FERRY3: variants seen among roughly 807,000 people sequenced by gnomAD.
FERRY3 encodes the protein protein C12orf4.
At chr12:4,495,770 G>A in the FERRY3 span, among the ~76,000 whole-genome samples, 7 of 152,108 alleles carry the variant, frequency 4.6e-5, no homozygotes, top group African/African-American at 7.2e-5. Context: ...TTGTGTATAT[G>A]TGTGATTAAT....
the FERRY3 span, chr12:4,489,958 T>G: frequency 8.5e-7 from 1 of 1,173,708 alleles, no homozygotes; most frequent in Non-Finnish European, 1.2e-6. Context: ...TTAAAAATAA[T>G]TTTAGAAGTA....
At chr12:4,535,437 T>C in the FERRY3 span, among the ~76,000 whole-genome samples, 1 of 152,234 alleles carries the variant, frequency 6.6e-6, no homozygotes, top group African/African-American at 2.4e-5. The surrounding 1 kb of genome is among the most constrained non-coding windows in gnomAD (Gnocchi z 4.0). Context: ...AGTTTCCTTG[T>C]TTGTACAATG....
chr12:4,501,064 CAA>C, the FERRY3 span, among the ~76,000 whole-genome samples: 11 of 152,162 alleles, frequency 7.2e-5, no homozygotes, highest in Admixed American at 2.6e-4. Flanking sequence ...GCCCAGGACA[CAA>C]AGATAGGTGT....
chr12:4,533,081 G>T, the FERRY3 span, among the ~76,000 whole-genome samples: 64 of 152,204 alleles, frequency 4.2e-4, 1 homozygote, highest in South Asian at 2.3e-3. Context: ...CAAATAACCT[G>T]TCTTTCCTTA....
At chr12:4,536,883 TC>T in the FERRY3 span, among the ~76,000 whole-genome samples, 2 of 152,226 alleles carry the variant, frequency 1.3e-5, no homozygotes, top group African/African-American at 4.8e-5. Flanking sequence ...CTAGGCTTTC[TC>T]CCATCAAATC....
the FERRY3 span, chr12:4,525,529 A>G: frequency 6.2e-6 from 10 of 1,613,120 alleles, no homozygotes; most frequent in Non-Finnish European, 8.5e-6. Flanking sequence ...TTACATCTTG[A>G]TCTGTCAGTG....
chr12:4,532,031 C>A, the FERRY3 span, among the ~76,000 whole-genome samples: 1 of 151,794 alleles, frequency 6.6e-6, no homozygotes, highest in Non-Finnish European at 1.5e-5. Flanking sequence ...GCTTGTCCAA[C>A]CTGTGGCACA....
the FERRY3 span, among the ~76,000 whole-genome samples, chr12:4,506,759 G>A: frequency 1.3e-5 from 2 of 151,850 alleles, no homozygotes; most frequent in Non-Finnish European, 2.9e-5. Flanking sequence ...AACATTTTTG[G>A]CTTTTTATCA....
chr12:4,496,782 C>A, the FERRY3 span, among the ~76,000 whole-genome samples: 1 of 152,168 alleles, frequency 6.6e-6, no homozygotes, highest in African/African-American at 2.4e-5. Flanking sequence ...GAATTATTAT[C>A]TGAGTTTATG....
the FERRY3 span, among the ~76,000 whole-genome samples, chr12:4,514,144 A>G: frequency 6.6e-6 from 1 of 151,802 alleles, no homozygotes; most frequent in Non-Finnish European, 1.5e-5. Context: ...ACATGAAAAA[A>G]TGCTCATCAT....
At chr12:4,521,487 C>A in the FERRY3 span, among the ~76,000 whole-genome samples, 2 of 151,600 alleles carry the variant, frequency 1.3e-5, no homozygotes, top group Admixed American at 6.6e-5. Context: ...GATATTGGGA[C>A]GAAAAGAAAG....
At chr12:4,487,916 C>A in the FERRY3 span, 1 of 152,070 alleles carries the variant, frequency 6.6e-6, no homozygotes, top group East Asian at 1.9e-4. Flanking sequence ...AGAAAAAGAT[C>A]CTCATCTCAT....
At chr12:4,493,668 A>G in the FERRY3 span, among the ~76,000 whole-genome samples, 1 of 152,202 alleles carries the variant, frequency 6.6e-6, no homozygotes, top group Non-Finnish European at 1.5e-5. Flanking sequence ...TCTAACTGCA[A>G]AGGCTGCTAC....
chr12:4,514,694 A>G, the FERRY3 span, among the ~76,000 whole-genome samples: 18 of 142,102 alleles, frequency 1.3e-4, no homozygotes, highest in East Asian at 2.1e-4. Flanking sequence ...GAATTGAACA[A>G]TGAGATCACA....
the FERRY3 span, among the ~76,000 whole-genome samples, chr12:4,519,613 A>T: frequency 6.6e-6 from 1 of 152,204 alleles, no homozygotes. This position sits in a 1 kb window ranked among gnomAD's most constrained non-coding sequence, Gnocchi z 4.3. Flanking sequence ...ATTAGTAAAT[A>T]CGGTAAATTT....
chr12:4,536,055 A>G, the FERRY3 span: 1 of 1,606,752 alleles, frequency 6.2e-7, no homozygotes, highest in Non-Finnish European at 8.5e-7. Context: ...CAGCAGCATC[A>G]GACGTCCATG....
the FERRY3 span, among the ~76,000 whole-genome samples, chr12:4,536,847 C>T: frequency 2.0e-5 from 3 of 152,234 alleles, no homozygotes; most frequent in Admixed American, 2.0e-4. Flanking sequence ...ATTTATTCAT[C>T]AGCCTTGTAA....
chr12:4,493,534 AAAAGT>A, the FERRY3 span, among the ~76,000 whole-genome samples: 1 of 150,744 alleles, frequency 6.6e-6, no homozygotes, highest in Non-Finnish European at 1.5e-5. Context: ...TAGTTGGCTA[AAAAGT>A]AAAGAATCCT....
the FERRY3 span, among the ~76,000 whole-genome samples, chr12:4,490,966 T>C: frequency 2.0e-5 from 3 of 152,178 alleles, no homozygotes; most frequent in Admixed American, 6.5e-5. Context: ...AATGTCCAAA[T>C]AGCCTTGTAT....
Sources: gnomAD v4.1 joint callset for allele counts (sites outside exome capture counted in the v4.1 genomes callset) on GRCh38, gnomAD v4.1.1 for gene constraint, Gnocchi (gnomAD v3.1) non-coding constraint, MANE v1.5 for transcripts, NCBI Gene and HGNC (gene_info 2026-07-23, HGNC 2026-07-21) for gene names.